The following EPHB6 variants were observed in gnomAD, a reference collection of about 807,000 sequenced individuals.
EPHB6 encodes the protein EPH receptor B6.
Under a neutral mutation model 107.0 loss-of-function variants are expected in EPHB6, and 51 were observed. That is an observed-to-expected ratio of 0.48 (90% CI 0.38 to 0.60). EPHB6 has a LOEUF of 0.60. Ranked by LOEUF, EPHB6 falls within the 20% of genes least tolerant of loss-of-function variation. EPHB6 has a pLI of 0.00. For synonymous variants in EPHB6, 553 were observed against 549.0 expected (o/e 1.01, Z -0.10); for missense variants, 1,141 against 1,355.5 (o/e 0.84, Z 2.48).
intron 17 of EPHB6, 99 bp downstream of exon 17, chr7:142,870,065 T>A: frequency 1.3e-6 from 2 of 1,597,784 alleles, no homozygotes; most frequent in Non-Finnish European, 1.7e-6. Context: ...TATTCTAAGA[T>A]CTCATGGCTG....
rs1164988682 is a variant in EPHB6 at position 142,868,529 on chromosome 7, A to G, written c.2076A>G (p.Pro692=). The change falls in exon 15 of 20, where the codon CCA becomes CCG. Residue 692 remains proline, a synonymous_variant. Transcript: ENST00000652003. The surrounding 1 kb of genome is among the most constrained non-coding windows in gnomAD (Gnocchi z 4.2). ...FGEVRQGRLQ[P]RGRREQTVAI... ...AAGTGCGCCAGGGCCGCCTGCAGCC[A>G]CGGGGACGGAGGGAGCAGACTGTGG... 3.7e-6 allele frequency: 6 copies of G among 1,613,786 alleles called. No homozygotes were observed. Among genetic ancestry groups the G allele is most frequent in the Non-Finnish European group, 5.1e-6 (6 of 1,180,014 alleles).
At chr7:142,870,014 A>G (rs1794821156) in intron 17 of EPHB6, 48 bp downstream of exon 17, 1 of 1,613,810 alleles carries the variant, frequency 6.2e-7, no homozygotes, top group Non-Finnish European at 8.5e-7. Context: ...GATCCCTCCC[A>G]GGTTGGAACA....
intron 5 of EPHB6, 39 bp from the exon 6 acceptor site, chr7:142,863,592 G>C: frequency 1.2e-6 from 2 of 1,607,650 alleles, no homozygotes; most frequent in African/African-American, 1.3e-5. Context: ...GTGCTGGCTG[G>C]AGGCTTGGCC....
At chr7:142,859,678 T>C (rs1802759536) in intron 1 of EPHB6, among the ~76,000 whole-genome samples, 1 of 152,202 alleles carries the variant, frequency 6.6e-6, no homozygotes, top group African/African-American at 2.4e-5. Context: ...TGGATCTGAA[T>C]CTAAAAGAGG....
chr7:142,860,520 TG>T (rs1324346758), intron 1 of EPHB6, among the ~76,000 whole-genome samples: 3 of 152,248 alleles, frequency 2.0e-5, no homozygotes, highest in African/African-American at 7.2e-5. Flanking sequence ...TTAATAGCTA[TG>T]CCTGCTTTTT....
chr7:142,867,509 ATGTTGTGTGTGCC>A lies in EPHB6; in HGVS notation c.1751-95_1751-83del, dbSNP rs1473486243. ...TGGGAGGTTTGGGGCATGCGCGTGC[ATGTTGTGTGTGCC>A]TGTGGTGTGTGTGGGTGCCTGGGCA... is the stretch of plus-strand genomic sequence containing the variant. On this transcript the variant is annotated intron_variant, in intron 11 of 19. Coordinates refer to ENST00000652003, the MANE Select transcript of EPHB6 (RefSeq NM_004445.6). The surrounding 1 kb of genome is among the most constrained non-coding windows in gnomAD (Gnocchi z 5.3). The A allele has an allele frequency of 2.0e-6, 2 of 994,458 alleles. No homozygotes were observed. Among genetic ancestry groups the A allele is most frequent in the Non-Finnish European group, 3.1e-6 (2 of 645,474 alleles). 61.6% of individuals were successfully genotyped at this position (994,458 alleles called of 1,614,324 possible). A position where few individuals can be genotyped will look rare whatever the true frequency, so the allele number is the denominator to read the frequency against.
At chr7:142,858,602 ATTT>A (rs58084930) in intron 1 of EPHB6, among the ~76,000 whole-genome samples, 1 of 130,086 alleles carries the variant, frequency 7.7e-6, no homozygotes, top group Non-Finnish European at 1.6e-5. Flanking sequence ...CGCCCAGCTA[ATTT>A]TTTTTTTTTT....
Position 142,871,030 on chromosome 7 carries a change from A to G in EPHB6, c.*126A>G. On this transcript the variant is annotated 3_prime_UTR_variant, in exon 20 of 20. Transcript: ENST00000652003. ...CAAACCCAACCCTCCCGATGGCTGC[A>G]TTCCCTGGTCCTCCGCCTCTCCACC... 1 of 893,230 alleles carries G rather than the reference A, an allele frequency of 1.1e-6. No individual in the cohort carries two copies. The highest frequency in any genetic ancestry group is 1.4e-5 in the South Asian group (1 of 70,998). 55.3% of individuals were successfully genotyped at this position (893,230 alleles called of 1,614,324 possible). A position where few individuals can be genotyped will look rare whatever the true frequency, so the allele number is the denominator to read the frequency against.
At position 142,868,841 on chromosome 7, in the gene EPHB6, T is replaced by G; in HGVS notation, c.2286+102T>G. The G allele has an allele frequency of 6.2e-7, 1 of 1,601,296 alleles. No individual in the cohort carries two copies. The highest frequency in any genetic ancestry group is 1.1e-5 in the South Asian group (1 of 90,188). On this transcript the variant is annotated intron_variant, in intron 15 of 19. Transcript: ENST00000652003. The surrounding 1 kb of genome is among the most constrained non-coding windows in gnomAD (Gnocchi z 4.2). ...CTTCTTACCACCCCACCTTCCATGG[T>G]CTCCGTCCTTCCTTCCCAGCCATTT...
In EPHB6 at chr7:142,867,379, G is replaced by T; in HGVS notation, c.1751-229G>T. The T allele has an allele frequency of 1.6e-6, 1 of 644,474 alleles. No individual in the cohort carries two copies. Among genetic ancestry groups the T allele is most frequent in the Non-Finnish European group, 2.8e-6 (1 of 354,674 alleles). The allele number at this position is 644,474 out of a possible 1,614,324, so 39.9% of individuals were successfully genotyped here. A position where few individuals can be genotyped will look rare whatever the true frequency, so the allele number is the denominator to read the frequency against. On this transcript the variant is annotated intron_variant, in intron 11 of 19. Coordinates refer to ENST00000652003, the MANE Select transcript of EPHB6 (RefSeq NM_004445.6). This position sits in a 1 kb window ranked among gnomAD's most constrained non-coding sequence, Gnocchi z 5.3. ...TGTGTGTTGTGTGTCCCTGTGTGTG[G>T]ATGTGGAGGGCTGTGGGGATGTGTG...
chr7:142,858,735 A>G (rs768844273), intron 1 of EPHB6, among the ~76,000 whole-genome samples: 13 of 151,798 alleles, frequency 8.6e-5, no homozygotes, highest in Non-Finnish European at 1.5e-4. Context: ...TTATAGCAAC[A>G]TAACTCGTAA....
chr7:142,861,327 T>C (rs1466947477), intron 2 of EPHB6, 141 bp downstream of exon 2: 2 of 146,340 alleles, frequency 1.4e-5, no homozygotes. Flanking sequence ...TGATTAACTT[T>C]ACTAAACAGT....
chr7:142,867,058 A>G lies in EPHB6; in HGVS notation c.1740A>G (p.Thr580=). ...ACGGGGGCAAAGTCTATTTCCAGAC[A>G]CTTCCTCAAGGTGAGCGGGGGTCAA... The part of the protein sequence containing the change: ...GPYGGKVYFQ[T]LPQGELSSQL... Residue 580 remains threonine (T), a synonymous_variant, in exon 11 of 20, where the codon ACA becomes ACG. Transcript: ENST00000652003. This position sits in a 1 kb window ranked among gnomAD's most constrained non-coding sequence, Gnocchi z 5.3. 1 of 1,613,664 alleles carries G rather than the reference A, an allele frequency of 6.2e-7. No individual in the cohort carries two copies. The highest frequency in any genetic ancestry group is 8.5e-7 in the Non-Finnish European group (1 of 1,179,974).
chr7:142,863,808 CT>C (rs1802973309), intron 6 of EPHB6, 113 bp downstream of exon 6: 2 of 1,482,016 alleles, frequency 1.3e-6, no homozygotes, highest in Admixed American at 3.4e-5. Context: ...AAAAGGATCC[CT>C]CCCTCTAGAG....
chr7:142,869,677 A>T lies in EPHB6; in HGVS notation c.2461-140A>T. 1.0e-6 allele frequency: 1 copy of T among 978,268 alleles called. No homozygotes were observed. Among genetic ancestry groups the T allele is most frequent in the Non-Finnish European group, 1.6e-6 (1 of 636,958 alleles). 60.6% of individuals were successfully genotyped at this position (978,268 alleles called of 1,614,324 possible). A position where few individuals can be genotyped will look rare whatever the true frequency, so the allele number is the denominator to read the frequency against. ...GCTTCTGTGAAATGGAGATGATATCATCCACCTTAGAGGGTTGTTATGAGG... is the reference window on the plus strand; with the variant it reads ...GCTTCTGTGAAATGGAGATGATATCTTCCACCTTAGAGGGTTGTTATGAGG... On this transcript the variant is annotated intron_variant, in intron 16 of 19. Transcript: ENST00000652003. The surrounding 1 kb of genome is among the most constrained non-coding windows in gnomAD (Gnocchi z 4.5).
Position 142,867,227 on chromosome 7 carries a change from C to T in EPHB6, c.1750+159C>T. 1 of 882,046 alleles carries T rather than the reference C, an allele frequency of 1.1e-6. No individual in the cohort carries two copies. Among genetic ancestry groups the T allele is most frequent in the South Asian group, 1.7e-5 (1 of 58,200 alleles). 54.6% of individuals were successfully genotyped at this position (882,046 alleles called of 1,614,324 possible). ...TTTTGCTCAGCAGCTGACCTAGGGG[C>T]TACTCGGGGAGGTGGGGAATTGTAG... On this transcript the variant is annotated intron_variant, in intron 11 of 19. Transcript: ENST00000652003. This position sits in a 1 kb window ranked among gnomAD's most constrained non-coding sequence, Gnocchi z 5.3.
In EPHB6 at chr7:142,868,305, A is replaced by G. The variant is rs753040687; in HGVS notation, c.1983A>G (p.Glu661=). The change falls in exon 14 of 20, where the codon GAA becomes GAG. Residue 661 remains glutamate (E), a synonymous_variant. Coordinates refer to ENST00000652003, the MANE Select transcript of EPHB6 (RefSeq NM_004445.6). This position sits in a 1 kb window ranked among gnomAD's most constrained non-coding sequence, Gnocchi z 4.2. ...AGGACCCCTGTCAGGCCATCCGAGAACTTGCCCGGGAAGTCGATCCTGCTT... is the reference window on the plus strand; with the variant it reads ...AGGACCCCTGTCAGGCCATCCGAGAGCTTGCCCGGGAAGTCGATCCTGCTT... The part of the protein sequence containing the change: ...TYEDPCQAIR[E]LAREVDPAYI... 104 of 1,614,050 alleles carry G rather than the reference A, an allele frequency of 6.4e-5. No homozygotes were observed. The highest frequency in any genetic ancestry group is 5.1e-4 in the South Asian group (46 of 91,082).
chr7:142,862,887 A>G, intron 4 of EPHB6, 54 bp downstream of exon 4: 1 of 289,662 alleles, frequency 3.5e-6, no homozygotes, highest in Non-Finnish European at 6.5e-6. Context: ...GAGAGCTGTG[A>G]GAAATGAACA....
At position 142,870,799 on chromosome 7, in the gene EPHB6, C is replaced by T. The variant is rs778123343; in HGVS notation, c.2964C>T (p.Asp988=). 2 of 1,614,156 alleles carry T rather than the reference C, an allele frequency of 1.2e-6. No individual in the cohort carries two copies. Among genetic ancestry groups the T allele is most frequent in the Non-Finnish European group, 1.7e-6 (2 of 1,179,994 alleles). The change falls in exon 20 of 20, where the codon GAC becomes GAT. Residue 988 remains aspartate (D), a synonymous_variant. Coordinates refer to ENST00000652003, the MANE Select transcript of EPHB6 (RefSeq NM_004445.6). ...TGATCCCTTCCCTCCCCACCAGAGA[C>T]CTGCCTGCCCTGGGCATCACCCTGG... The part of the protein sequence containing the change: ...FSDVAQLSLE[D]LPALGITLAG...
Sources: allele counts gnomAD v4.1 joint callset (sites outside exome capture counted in the v4.1 genomes callset), GRCh38; gene constraint gnomAD v4.1.1; non-coding constraint Gnocchi (gnomAD v3.1); transcripts MANE v1.5; gene names NCBI Gene and HGNC (gene_info 2026-07-23, HGNC 2026-07-21).